The following MYH7 variants were observed in gnomAD, a reference collection of about 807,000 sequenced individuals.
MYH7 encodes the protein myosin heavy chain 7.
In MYH7, 129 loss-of-function variants were observed where a neutral mutation model predicts 225.4. That is an observed-to-expected ratio of 0.57 (90% CI 0.50 to 0.66). The LOEUF (loss-of-function observed/expected upper bound fraction) is 0.66, where lower values mean the gene tolerates loss of function less well. MYH7 is among the 30% of genes least tolerant of loss of function. The pLI, the probability that MYH7 is intolerant of heterozygous loss-of-function variation, is 0.00. For missense variants in MYH7, 1,649 were observed against 2,517.0 expected (o/e 0.66, Z 7.38); for synonymous variants, 971 against 1,007.6 (o/e 0.96, Z 0.69).
In MYH7 at chr14:23,429,003, G is replaced by A; in HGVS notation, c.1359C>T (p.Arg453=). The A allele has an allele frequency of 6.2e-7, 1 of 1,614,244 alleles. No individual in the cohort carries two copies. The highest frequency in any genetic ancestry group is 1.1e-5 in the South Asian group (1 of 91,086). The change falls in exon 14 of 40, where the codon CGC becomes CGT. Residue 453 remains arginine, a synonymous_variant. Transcript: ENST00000355349. ...TGTCCAGGACTCCTATGAAGTACTG[G>A]CGTGGCTGCTTGGTCTCCAGGGTGG... is the stretch of plus-strand genomic sequence containing the variant. ...INATLETKQP[R]QYFIGVLDIA...
chr14:23,418,151 T>C, intron 30 of MYH7, 59 bp downstream of exon 30: 3 of 1,611,926 alleles, frequency 1.9e-6, no homozygotes, highest in Non-Finnish European at 2.5e-6. Context: ...AGGCTGGGGC[T>C]GGGCTGAGTC....
chr14:23,423,827 G>A (rs559823952), intron 23 of MYH7, 80 bp downstream of exon 23: 3 of 1,613,578 alleles, frequency 1.9e-6, no homozygotes, highest in South Asian at 1.1e-5. Context: ...TGGATGCCGA[G>A]TGGCTAGCCT....
rs1423850061 is a variant in MYH7, at chr14:23,415,788, G to T, written c.4998C>A (p.Asp1666Glu). The T allele has an allele frequency of 3.1e-6, 5 of 1,614,068 alleles. No homozygotes were observed. In the African/African-American group the frequency reaches 6.7e-5, roughly 22 times the overall value. The change falls in exon 35 of 40, where the codon GAC becomes GAA. Residue 1666 changes from aspartate to glutamate, a missense_variant. Physicochemically the swap from Asp to Glu is conservative, Grantham distance 45. Coordinates refer to ENST00000355349, the MANE Select transcript of MYH7 (RefSeq NM_000257.4). This position sits in a 1 kb window ranked among gnomAD's most constrained non-coding sequence, Gnocchi z 6.3. Reference sequence around the variant, plus strand: ...CCACGATGGCGATGTTCTCCTTCAGGTCGTCGTTGGCACGGACTGCATCGT... The same window carrying T: ...CCACGATGGCGATGTTCTCCTTCAGTTCGTCGTTGGCACGGACTGCATCGT... ...QLDDAVRAND[D>E]LKENIAIVER...
Position 23,431,015 on chromosome 14 carries a change from GAGA to G in MYH7, c.797-19_797-17del, listed in dbSNP as rs372245426. 74 of 1,565,022 alleles carry G rather than the reference GAGA, an allele frequency of 4.7e-5. No homozygotes were observed. The highest frequency in any genetic ancestry group is 6.2e-5 in the Non-Finnish European group (70 of 1,135,442). On this transcript the variant is annotated splice_polypyrimidine_tract_variant and intron_variant, in intron 9 of 39. Coordinates refer to ENST00000355349, the MANE Select transcript of MYH7 (RefSeq NM_000257.4). ...TCCAGAAGATCTGTGAACAGGTGGG[GAGA>G]AGAAGGAGAGAAAGAAAAGTTAGGG...
Position 23,412,820 on chromosome 14 carries a change from C to T in MYH7, c.*34G>A. Reference sequence around the variant, plus strand: ...GCTCCAGCATGGGGCTTTGCTGGCACCTCCAGGGCTGAGCAGATCAAGATG... The same window carrying T: ...GCTCCAGCATGGGGCTTTGCTGGCATCTCCAGGGCTGAGCAGATCAAGATG... On this transcript the variant is annotated 3_prime_UTR_variant, in exon 40 of 40. Transcript: ENST00000355349. 1 of 1,613,646 alleles carries T rather than the reference C, an allele frequency of 6.2e-7. No homozygotes were observed. Among genetic ancestry groups the T allele is most frequent in the South Asian group, 1.1e-5 (1 of 91,068 alleles).
At chr14:23,432,555 C>T in intron 5 of MYH7, 49 bp from the exon 6 acceptor site, 1 of 1,614,144 alleles carries the variant, frequency 6.2e-7, no homozygotes, top group Non-Finnish European at 8.5e-7. Flanking sequence ...ACAGGATGCT[C>T]TCGTGGGGCT....
In MYH7 at chr14:23,428,681, C is replaced by T; in HGVS notation, c.1408-11G>A. The T allele has an allele frequency of 3.1e-6, 5 of 1,614,034 alleles. No individual in the cohort carries two copies. Among genetic ancestry groups the T allele is most frequent in the African/African-American group, 1.3e-5 (1 of 75,012 alleles). The stretch of plus-strand genomic sequence containing the variant: ...CTCAAAGCTGTTGAACTGCAGGGGG[C>T]ATGAGGGGTGGGAGCAGTCAGAAAG... On this transcript the variant is annotated splice_polypyrimidine_tract_variant and intron_variant, in intron 14 of 39. Transcript: ENST00000355349.
chr14:23,415,021 G>T lies in MYH7; in HGVS notation c.5533C>A (p.Arg1845=), dbSNP rs28933098. ...TGGTAGGTGAGCTCCTTGATGCGCC[G>T]CTCGCTCTTCCTCATGCCCTTCACC... is the stretch of plus-strand genomic sequence containing the variant. ...ESVKGMRKSE[R]RIKELTYQTE... Residue 1845 remains arginine (R), a synonymous_variant, in exon 37 of 40, where the codon CGG becomes AGG. Transcript: ENST00000355349. This position sits in a 1 kb window ranked among gnomAD's most constrained non-coding sequence, Gnocchi z 6.3. 3 of 1,609,910 alleles carry T rather than the reference G, an allele frequency of 1.9e-6. No homozygotes were observed. Among genetic ancestry groups the T allele is most frequent in the Admixed American group, 1.7e-5 (1 of 60,032 alleles).
intron 33 of MYH7, 100 bp from the exon 34 acceptor site, chr14:23,416,412 T>C: frequency 2.4e-6 from 3 of 1,274,676 alleles, no homozygotes; most frequent in Non-Finnish European, 3.3e-6. Context: ...ACTTCAAGAG[T>C]GGTGTAAGTG....
At position 23,433,344 on chromosome 14, in the gene MYH7, C is replaced by T; in HGVS notation, c.202-117G>A. The T allele has an allele frequency of 6.6e-7, 1 of 1,517,088 alleles. No individual in the cohort carries two copies. Among genetic ancestry groups the T allele is most frequent in the Non-Finnish European group, 9.1e-7 (1 of 1,104,232 alleles). The allele number at this position is 1,517,088 out of a possible 1,614,324, so 94.0% of individuals were successfully genotyped here. Reference sequence around the variant, plus strand: ...TGCTCAAGAGAGAAGGAACCAGGATCTCACAGGGAAGACAGAAGGGATATT... The same window carrying T: ...TGCTCAAGAGAGAAGGAACCAGGATTTCACAGGGAAGACAGAAGGGATATT... On this transcript the variant is annotated intron_variant, in intron 3 of 39. Transcript: ENST00000355349. This position sits in a 1 kb window ranked among gnomAD's most constrained non-coding sequence, Gnocchi z 4.1.
chr14:23,435,402 T>G (rs1182780300), intron 1 of MYH7, among the ~76,000 whole-genome samples: 1 of 146,148 alleles, frequency 6.8e-6, no homozygotes, highest in East Asian at 2.0e-4. Context: ...ACACACACCC[T>G]GTAATGCATA....
At position 23,431,868 on chromosome 14, in the gene MYH7, C is replaced by T. The variant is rs730880156; in HGVS notation, c.532G>A (p.Gly178Arg). The T allele has an allele frequency of 3.1e-6, 5 of 1,614,144 alleles. No homozygotes were observed. The highest frequency in any genetic ancestry group is 1.7e-5 in the Admixed American group (1 of 60,034). Reference protein sequence around the residue: ...DRENQSILITGESGAGKTVNT... With the variant: ...DRENQSILITRESGAGKTVNT... ...ACTGTCTTCCCTGCTCCGGATTCTC[C>T]GCTGTGAAGACAGGGGCTTATTGGG... The change falls in exon 7 of 40, where the codon GGA becomes AGA. Residue 178 changes from glycine (G) to arginine (R), a missense_variant and splice_region_variant. Gly to Arg is a moderately radical substitution (Grantham distance 125, BLOSUM62 -2). Transcript: ENST00000355349.
In MYH7 at chr14:23,421,021, G is replaced by A. The variant is rs200664031; in HGVS notation, c.3273C>T (p.Asn1091=). 37 of 1,612,844 alleles carry A rather than the reference G, an allele frequency of 2.3e-5. No individual in the cohort carries two copies. The highest frequency in any genetic ancestry group is 2.9e-5 in the Non-Finnish European group (34 of 1,180,014). The change falls in exon 26 of 40, where the codon AAC becomes AAT. Residue 1091 remains asparagine (N), a synonymous_variant. Transcript: ENST00000355349. ...KKKDFELNAL[N]ARIEDEQALG... is the part of the protein sequence containing the mutation. The stretch of plus-strand genomic sequence containing the variant: ...GGGCCTGTTCATCCTCAATCCTTGC[G>A]TTGAGAGCATTCAGCTCAAAGTCTT...
intron 18 of MYH7, among the ~76,000 whole-genome samples, chr14:23,426,345 G>A (rs1002598620): frequency 3.3e-5 from 5 of 152,186 alleles, no homozygotes; most frequent in African/African-American, 1.2e-4. Context: ...GAGGGGTTAT[G>A]GGACTGGCCC....
intron 30 of MYH7, 88 bp downstream of exon 30, chr14:23,418,122 G>T: frequency 6.3e-7 from 1 of 1,583,876 alleles, no homozygotes; most frequent in South Asian, 1.1e-5. Flanking sequence ...GCTAAGCATC[G>T]CCTGTGTGGG....
At position 23,419,587 on chromosome 14, in the gene MYH7, C is replaced by T. The variant is rs540263945; in HGVS notation, c.3749G>A (p.Arg1250Gln). ...CTCATTCATCTGGTCTTCCAAGGTCCGGCACATCTTCTCCAGGTTAGCCTG... is the reference window on the plus strand; with the variant it reads ...CTCATTCATCTGGTCTTCCAAGGTCTGGCACATCTTCTCCAGGTTAGCCTG... ...KAKANLEKMC[R>Q]TLEDQMNEHR... Residue 1250 changes from arginine (R) to glutamine (Q), a missense_variant, in exon 28 of 40, where the codon CGG becomes CAG. Arg to Gln is a conservative substitution (Grantham distance 43). Coordinates refer to ENST00000355349, the MANE Select transcript of MYH7 (RefSeq NM_000257.4). The T allele has an allele frequency of 3.7e-6, 6 of 1,613,498 alleles. No individual in the cohort carries two copies. The highest frequency in any genetic ancestry group is 2.2e-5 in the East Asian group (1 of 44,836).
Position 23,433,224 on chromosome 14 carries a change from C to G in MYH7, c.205G>C (p.Val69Leu), listed in dbSNP as rs1893020075. 1 of 1,614,080 alleles carries G rather than the reference C, an allele frequency of 6.2e-7. No homozygotes were observed. Among genetic ancestry groups the G allele is most frequent in the African/African-American group, 1.3e-5 (1 of 74,928 alleles). The change falls in exon 4 of 40, where the codon GTG (valine) becomes CTG (leucine). Residue 69 changes from valine (V) to leucine (L), a missense_variant. Physicochemically the swap from Val to Leu is conservative, Grantham distance 32. This residue lies in a region of MYH7 where 91 missense variants were observed against 96.5 expected (regional missense o/e 0.94). Coordinates refer to ENST00000355349, the MANE Select transcript of MYH7 (RefSeq NM_000257.4). This position sits in a 1 kb window ranked among gnomAD's most constrained non-coding sequence, Gnocchi z 4.1. ...ATCACCTGGTCCTCCTTCACGGTCA[C>G]TGTCTGCAAGAGCCCCCACCCAAGC... Reference protein sequence around the residue: ...VTAETEYGKTVTVKEDQVMQQ... With the variant: ...VTAETEYGKTLTVKEDQVMQQ...
At position 23,426,760 on chromosome 14, in the gene MYH7, T is replaced by C. The variant is rs2754160; in HGVS notation, c.2044+17A>G. ...GTGTATGCCCAGCAGTGGGTTGGCC[T>C]GAGTTTGTGGCCTCACCTGGAGACT... On this transcript the variant is annotated intron_variant, in intron 18 of 39. Transcript: ENST00000355349. 2 of 1,612,150 alleles carry C rather than the reference T, an allele frequency of 1.2e-6. No individual in the cohort carries two copies. Among genetic ancestry groups the C allele is most frequent in the Non-Finnish European group, 1.7e-6 (2 of 1,178,238 alleles).
At position 23,425,226 on chromosome 14, in the gene MYH7, C is replaced by G; in HGVS notation, c.2423+56G>C. On this transcript the variant is annotated intron_variant, in intron 21 of 39. Transcript: ENST00000355349. The surrounding 1 kb of genome is among the most constrained non-coding windows in gnomAD (Gnocchi z 4.6). ...GCTGAGCTTTTTTTCCTGACACTGC[C>G]CCTGAACCAGCCTGGGCCTCAGAGA... 1 of 1,613,988 alleles carries G rather than the reference C, an allele frequency of 6.2e-7. No homozygotes were observed. The highest frequency in any genetic ancestry group is 8.5e-7 in the Non-Finnish European group (1 of 1,179,972).
Sources: allele counts gnomAD v4.1 joint callset (sites outside exome capture counted in the v4.1 genomes callset), GRCh38; gene constraint gnomAD v4.1.1; regional missense constraint gnomAD v4.1.1; non-coding constraint Gnocchi (gnomAD v3.1); transcripts MANE v1.5; gene names NCBI Gene and HGNC (gene_info 2026-07-23, HGNC 2026-07-21).